The following CAPS2 variants were observed in gnomAD, a reference collection of about 807,000 sequenced individuals.
CAPS2 encodes the protein calcyphosin-2.
A neutral mutation model predicts 86.5 loss-of-function variants in CAPS2; 98 were observed. The ratio of observed to expected loss-of-function variants is 1.13; its 90% CI spans 0.96 to 1.34. The LOEUF is 1.34. Ranked by LOEUF, CAPS2 falls within the 40% of genes most tolerant of loss-of-function variation. CAPS2 has a pLI of 0.00. For missense variants in CAPS2, 729 were observed against 686.8 expected (o/e 1.06, Z -0.69); for synonymous variants, 210 against 225.1 (o/e 0.93, Z 0.60).
At chr12:75,359,357 C>CTTTTT (rs61616225) in intron 1 of CAPS2, among the ~76,000 whole-genome samples, 514 of 28,628 alleles carry the variant, frequency 0.018, 33 homozygotes, top group Non-Finnish European at 0.022. Context: ...GCATTGTTGT[C>CTTTTT]TTTTTTTTTT....
At chr12:75,315,874 A>G (rs1459247976) in intron 6 of CAPS2, among the ~76,000 whole-genome samples, 1 of 152,164 alleles carries the variant, frequency 6.6e-6, no homozygotes, top group East Asian at 1.9e-4. Context: ...TGTAAAAGAC[A>G]TAATTTAAAG....
chr12:75,375,043 C>T (rs1172989968), intron 1 of CAPS2, among the ~76,000 whole-genome samples: 1 of 152,148 alleles, frequency 6.6e-6, no homozygotes, highest in Non-Finnish European at 1.5e-5. Context: ...TGCAATCCCC[C>T]CAGGGCTGCA....
At chr12:75,299,396 G>A (rs1470293645) in intron 9 of CAPS2, among the ~76,000 whole-genome samples, 1 of 151,946 alleles carries the variant, frequency 6.6e-6, no homozygotes, top group Non-Finnish European at 1.5e-5. Context: ...AGAACATCAA[G>A]TAGAATTATT....
exon 2 of CAPS2, chr12:75,325,239 A>C: frequency 1.9e-6 from 3 of 1,549,380 alleles, no homozygotes; most frequent in Non-Finnish European, 1.7e-6. Context: ...CGTAACTTAC[A>C]CTGGTGGGCA....
intron 11 of CAPS2, among the ~76,000 whole-genome samples, chr12:75,296,808 C>T (rs1417970918): frequency 1.1e-4 from 16 of 151,940 alleles, no homozygotes; most frequent in Non-Finnish European, 2.4e-4. Context: ...CTGCATAAAA[C>T]AATAGAAGAT....
At chr12:75,303,403 T>C (rs1357690443) in intron 8 of CAPS2, among the ~76,000 whole-genome samples, 1 of 152,180 alleles carries the variant, frequency 6.6e-6, no homozygotes, top group Non-Finnish European at 1.5e-5. Context: ...GCAGTTCTAA[T>C]CTATGATATT....
chr12:75,303,622 TA>T (rs2038085856), intron 8 of CAPS2, among the ~76,000 whole-genome samples: 2 of 152,184 alleles, frequency 1.3e-5, no homozygotes, highest in South Asian at 4.1e-4. Context: ...AGTTGACTTT[TA>T]AAAAGGACAG....
At chr12:75,329,834 G>A, upstream of CAPS2, 5 of 1,545,128 alleles carry the variant, frequency 3.2e-6, no homozygotes, top group Non-Finnish European at 4.4e-6. Flanking sequence ...CAGAGCACCT[G>A]CAGTGTAGCA....
At chr12:75,371,663 T>C (rs980205732) in intron 1 of CAPS2, among the ~76,000 whole-genome samples, 3 of 152,188 alleles carry the variant, frequency 2.0e-5, no homozygotes, top group Admixed American at 6.5e-5. Flanking sequence ...AACCTAAATG[T>C]TATTACATAA....
intron 1 of CAPS2, among the ~76,000 whole-genome samples, chr12:75,367,268 G>GAAAAA (rs35250320): frequency 1.1e-5 from 1 of 88,738 alleles, no homozygotes; most frequent in Non-Finnish European, 2.1e-5. Context: ...TTCCTAGGAG[G>GAAAAA]AAAAAAAAAA....
At chr12:75,363,178 A>G (rs768882001) in intron 1 of CAPS2, 2 of 1,520,966 alleles carry the variant, frequency 1.3e-6, no homozygotes, top group East Asian at 2.5e-5. Flanking sequence ...GAAATGTGTA[A>G]AGAACCTCTG....
intron 1 of CAPS2, among the ~76,000 whole-genome samples, chr12:75,386,407 TG>T (rs1304160247): frequency 6.6e-6 from 1 of 152,202 alleles, no homozygotes; most frequent in Non-Finnish European, 1.5e-5. Flanking sequence ...GAGGGCCTGC[TG>T]GCTGTGTCAT....
chr12:75,323,060 T>A, exon 4 of CAPS2: 1 of 1,549,912 alleles, frequency 6.5e-7, no homozygotes, highest in Admixed American at 2.0e-5. Context: ...AGGTTTGCTG[T>A]ACTAAGTGGA....
chr12:75,276,750 T>TTA (rs1361512735), downstream of CAPS2: 2 of 848,770 alleles, frequency 2.4e-6, no homozygotes, highest in Non-Finnish European at 2.8e-6. Flanking sequence ...GAGAAAGCAA[T>TTA]TATATAGCAT....
Position 75,303,112 on chromosome 12 carries a change from C to T in CAPS2, c.779+1645G>A, listed in dbSNP as rs185830896. Among the ~76,000 whole-genome samples the T allele has an allele frequency of 1.1e-3, 175 of 152,278 alleles. 1 individual carries two copies. The highest frequency in any genetic ancestry group is 4.0e-3 in the African/African-American group (166 of 41,566). Reference sequence around the variant, plus strand: ...GCACTATTCACAAAGAGCCAAATATCTATCAACCTCTGAATAGATAGGTTG... The same window carrying T: ...GCACTATTCACAAAGAGCCAAATATTTATCAACCTCTGAATAGATAGGTTG... On this transcript the variant is annotated intron_variant, in intron 8 of 16. Coordinates refer to ENST00000393284, the Ensembl canonical transcript of CAPS2.
intron 1 of CAPS2, among the ~76,000 whole-genome samples, chr12:75,378,796 C>T (rs938595921): frequency 2.2e-4 from 33 of 152,206 alleles, no homozygotes; most frequent in Non-Finnish European, 5.9e-5. Flanking sequence ...AACCAAACAA[C>T]TGGTCACTGT....
At position 75,325,301 on chromosome 12, in the gene CAPS2, A is replaced by C. The variant is rs748950899; in HGVS notation, c.82-13T>G. 17 of 1,536,294 alleles carry C rather than the reference A, an allele frequency of 1.1e-5. No homozygotes were observed. In the Admixed American group the frequency reaches 3.4e-4, roughly 31 times the overall value. On this transcript the variant is annotated splice_polypyrimidine_tract_variant and intron_variant, in intron 1 of 16. Transcript: ENST00000393284. ...AAGTCCACCTTTGCTTTAATTAAAA[A>C]AAAAACTTTTTGAATCAGTATAAAT...
chr12:75,296,775 A>G (rs538140151), intron 11 of CAPS2, among the ~76,000 whole-genome samples: 1 of 152,234 alleles, frequency 6.6e-6, no homozygotes, highest in African/African-American at 2.4e-5. Context: ...ACCAAAAAAA[A>G]AGAGGGATAG....
chr12:75,340,905 A>C (rs2042058869), intron 1 of CAPS2, among the ~76,000 whole-genome samples: 1 of 152,106 alleles, frequency 6.6e-6, no homozygotes, highest in African/African-American at 2.4e-5. Context: ...TTAGGAAAGC[A>C]AAAATAAAAA....
Sources: allele counts gnomAD v4.1 joint callset (sites outside exome capture counted in the v4.1 genomes callset), GRCh38; gene constraint gnomAD v4.1.1; transcripts MANE v1.5; gene names NCBI Gene and HGNC (gene_info 2026-07-23, HGNC 2026-07-21).